GRID2: variants seen among roughly 807,000 people sequenced by gnomAD.
GRID2 encodes the protein glutamate ionotropic receptor delta type subunit 2, also known as glutamate receptor ionotropic, delta-2.
A neutral mutation model predicts 114.8 loss-of-function variants in GRID2; 33 were observed. The observed-to-expected ratio is 0.29, with a 90% CI of 0.22 to 0.38. The LOEUF is 0.38. Among genes scored for constraint, GRID2 ranks in the 10% least tolerant of loss-of-function variants. The probability of loss-of-function intolerance (pLI) is 1.00; values close to 1 mark genes in which losing one functional copy is unlikely to be tolerated. For synonymous variants in GRID2, 505 were observed against 449.9 expected, an observed-to-expected ratio of 1.12 and a Z score of -1.55; for missense variants, 1,184 against 1,257.7, an observed-to-expected ratio of 0.94 and a Z score of 0.89.
intron 14 of GRID2, among the ~76,000 whole-genome samples, chr4:93,705,454 C>T (rs1454908173): frequency 6.6e-6 from 1 of 151,950 alleles, no homozygotes; most frequent in Non-Finnish European, 1.5e-5. Flanking sequence ...GCCTCAGCCT[C>T]CCTAGCAGCT....
chr4:92,708,878 T>C (rs1735076909), intron 2 of GRID2, among the ~76,000 whole-genome samples: 1 of 152,066 alleles, frequency 6.6e-6, no homozygotes, highest in South Asian at 2.1e-4. Context: ...GATCACACCA[T>C]TGCAGTCTAG....
At chr4:92,986,357 A>G (rs1754509348) in intron 2 of GRID2, among the ~76,000 whole-genome samples, 1 of 152,170 alleles carries the variant, frequency 6.6e-6, no homozygotes, top group South Asian at 2.1e-4. Flanking sequence ...AAATCAGCCA[A>G]TAAGTCAAGA....
chr4:93,625,653 C>T (rs1035373823), intron 13 of GRID2, among the ~76,000 whole-genome samples: 16 of 152,192 alleles, frequency 1.1e-4, no homozygotes, highest in Non-Finnish European at 2.2e-4. Flanking sequence ...CGGTGGCTCA[C>T]GCCTGTAATC....
intron 8 of GRID2, among the ~76,000 whole-genome samples, chr4:93,285,831 G>A (rs1046341755): frequency 5.3e-5 from 8 of 151,906 alleles, no homozygotes; most frequent in Non-Finnish European, 1.2e-4. Context: ...GGGTAAGATT[G>A]CATAATTTGT....
intron 2 of GRID2, among the ~76,000 whole-genome samples, chr4:92,875,232 A>G (rs146316713): frequency 0.012 from 1,622 of 135,244 alleles, 34 homozygotes; most frequent in African/African-American, 0.043. Flanking sequence ...GCGCAATCTC[A>G]GCCTACTGCA....
At chr4:92,664,499 G>A (rs1177232495) in intron 2 of GRID2, among the ~76,000 whole-genome samples, 1 of 151,044 alleles carries the variant, frequency 6.6e-6, no homozygotes, top group Non-Finnish European at 1.5e-5. Context: ...CTCATGTGCA[G>A]TTAAGAAGAA....
intron 2 of GRID2, among the ~76,000 whole-genome samples, chr4:92,666,650 G>GTTTTTTTTTTTTATTTTTTTTTTTTTTT (rs1732794429): frequency 1.5e-5 from 1 of 68,594 alleles, no homozygotes; most frequent in Non-Finnish European, 2.8e-5. Flanking sequence ...CTTAAGGGTT[G>GTTTTTTTTTTTTATTTTTTTTTTTTTTT]TTTTTTTTTT....
At chr4:93,178,004 C>T (rs1739505297) in intron 4 of GRID2, among the ~76,000 whole-genome samples, 1 of 151,380 alleles carries the variant, frequency 6.6e-6, no homozygotes. Context: ...TAGCTTGTAC[C>T]TTTAATTTCT....
intron 1 of GRID2, among the ~76,000 whole-genome samples, chr4:92,394,849 A>G (rs560083230): frequency 3.9e-5 from 6 of 151,914 alleles, no homozygotes; most frequent in Admixed American, 6.5e-5. Flanking sequence ...TTTAACAGCT[A>G]TACTAAAATT....
chr4:92,362,897 AT>A (rs1728684312), intron 1 of GRID2, among the ~76,000 whole-genome samples: 2 of 151,986 alleles, frequency 1.3e-5, no homozygotes, highest in South Asian at 4.1e-4. Flanking sequence ...TTATTTTAAC[AT>A]TTGGTCGATT....
chr4:92,794,905 T>TATATATACAC (rs745392261), intron 2 of GRID2, among the ~76,000 whole-genome samples: 33 of 127,808 alleles, frequency 2.6e-4, no homozygotes, highest in African/African-American at 5.6e-4. Context: ...TATATATATA[T>TATATATACAC]ACACACACAC....
At chr4:92,456,460 G>A (rs1465770644) in intron 1 of GRID2, among the ~76,000 whole-genome samples, 2 of 152,108 alleles carry the variant, frequency 1.3e-5, no homozygotes, top group African/African-American at 2.4e-5. Flanking sequence ...GTCAAGTTTG[G>A]TGATTAGGAA....
intron 1 of GRID2, among the ~76,000 whole-genome samples, chr4:92,471,719 C>T (rs147246677): frequency 3.2e-4 from 49 of 151,988 alleles, no homozygotes; most frequent in African/African-American, 1.1e-3. Context: ...GTCATCATTC[C>T]CCCCAAACTC....
In GRID2 at chr4:93,207,425, G is replaced by T; in HGVS notation, c.757G>T (p.Ala253Ser). ...ITEVVETNLV[A>S]FDCHWIIINE... ...CTAGGTTGTGGAGACTAATTTGGTT[G>T]CTTTTGACTGTCACTGGATCATTAT... The change falls in exon 5 of 16, where the codon GCT (alanine) becomes TCT (serine). Residue 253 changes from alanine to serine, a missense_variant. Physicochemically the swap from Ala to Ser is moderately conservative, Grantham distance 99. Coordinates refer to ENST00000282020, the MANE Select transcript of GRID2 (RefSeq NM_001510.4). 6.2e-7 allele frequency: 1 copy of T among 1,602,550 alleles called. No individual in the cohort carries two copies. The highest frequency in any genetic ancestry group is 8.5e-7 in the Non-Finnish European group (1 of 1,170,156).
intron 10 of GRID2, among the ~76,000 whole-genome samples, chr4:93,433,160 C>T (rs1769585393): frequency 6.6e-6 from 1 of 152,166 alleles, no homozygotes; most frequent in African/African-American, 2.4e-5. Flanking sequence ...ACTTTCTGCT[C>T]AATTTTTCTG....
intron 2 of GRID2, among the ~76,000 whole-genome samples, chr4:92,938,115 C>T (rs1430808084): frequency 6.8e-6 from 1 of 146,220 alleles, no homozygotes; most frequent in Non-Finnish European, 1.5e-5. Flanking sequence ...CTGTTTATTT[C>T]TCTTTGTTTT....
At chr4:92,825,373 T>C (rs1000491330) in intron 2 of GRID2, among the ~76,000 whole-genome samples, 1 of 152,120 alleles carries the variant, frequency 6.6e-6, no homozygotes, top group African/African-American at 2.4e-5. Flanking sequence ...TACATGAACA[T>C]AAGCAGCAGC....
chr4:93,023,661 G>A (rs1037668385), intron 2 of GRID2, among the ~76,000 whole-genome samples: 1 of 151,816 alleles, frequency 6.6e-6, no homozygotes, highest in Non-Finnish European at 1.5e-5. Flanking sequence ...ACAGGGCTAA[G>A]ACATATATAT....
chr4:93,129,528 G>A (rs1191420466), intron 4 of GRID2, among the ~76,000 whole-genome samples: 2 of 151,942 alleles, frequency 1.3e-5, no homozygotes, highest in African/African-American at 4.8e-5. Context: ...TGCTACTAGG[G>A]GAAAATTCAT....
Sources: allele counts gnomAD v4.1 joint callset (sites outside exome capture counted in the v4.1 genomes callset), GRCh38; gene constraint gnomAD v4.1.1; transcripts MANE v1.5; gene names NCBI Gene and HGNC (gene_info 2026-07-23, HGNC 2026-07-21).